FHOD3: variants seen among roughly 807,000 people sequenced by gnomAD.
FHOD3 encodes formin homology 2 domain containing 3, also known as FH1/FH2 domain-containing protein 3.
In FHOD3, 90 loss-of-function variants were observed where a neutral mutation model predicts 173.0. The observed-to-expected ratio is 0.52, with a 90% CI of 0.44 to 0.62. The LOEUF (loss-of-function observed/expected upper bound fraction) is 0.62, where lower values mean the gene tolerates loss of function less well. Among genes scored for constraint, FHOD3 ranks in the 20% least tolerant of loss-of-function variants. The pLI is 0.00. For synonymous variants in FHOD3, 828 were observed against 823.0 expected, an observed-to-expected ratio of 1.01 and a Z score of -0.10; for missense variants, 1,945 against 2,034.7, an observed-to-expected ratio of 0.96 and a Z score of 0.85.
At chr18:36,513,512 A>G (rs568542009) in intron 5 of FHOD3, among the ~76,000 whole-genome samples, 3 of 152,312 alleles carry the variant, frequency 2.0e-5, no homozygotes, top group Admixed American at 2.0e-4. Context: ...TAAAACTACC[A>G]AAACCTTCCT....
chr18:36,609,588 T>C (rs2032447840), intron 8 of FHOD3, among the ~76,000 whole-genome samples: 1 of 151,320 alleles, frequency 6.6e-6, no homozygotes, highest in Admixed American at 6.6e-5. Flanking sequence ...GGGCAAGAGT[T>C]TCCCGAGTCT....
chr18:36,732,621 G>A (rs370223830), intron 20 of FHOD3, among the ~76,000 whole-genome samples: 6 of 152,162 alleles, frequency 3.9e-5, no homozygotes, highest in African/African-American at 7.2e-5. Context: ...CCAGCCTATC[G>A]AAAGAGTGAG....
chr18:36,544,955 G>T (rs561183866), intron 5 of FHOD3, among the ~76,000 whole-genome samples: 2 of 152,266 alleles, frequency 1.3e-5, no homozygotes, highest in South Asian at 4.1e-4. Flanking sequence ...TAAATATTTT[G>T]CCACTAGTTT....
intron 25 of FHOD3, among the ~76,000 whole-genome samples, chr18:36,758,428 G>A (rs185387707): frequency 3.0e-4 from 45 of 152,220 alleles, no homozygotes; most frequent in African/African-American, 9.7e-4. Context: ...TAGTGCTAAA[G>A]TAATTAAAAG....
chr18:36,508,976 C>T (rs2055465915), intron 4 of FHOD3, among the ~76,000 whole-genome samples: 1 of 152,060 alleles, frequency 6.6e-6, no homozygotes, highest in Admixed American at 6.6e-5. Context: ...ATCAATGATG[C>T]GGTCAAGCCA....
At chr18:36,385,205 G>A (rs748237864) in intron 3 of FHOD3, among the ~76,000 whole-genome samples, 1 of 152,174 alleles carries the variant, frequency 6.6e-6, no homozygotes, top group Non-Finnish European at 1.5e-5. Context: ...TGTTTAAAAT[G>A]TGTTTTAGCT....
intron 3 of FHOD3, among the ~76,000 whole-genome samples, chr18:36,435,751 G>C (rs1310106248): frequency 6.6e-6 from 1 of 152,200 alleles, no homozygotes; most frequent in African/African-American, 2.4e-5. Flanking sequence ...AATTCTTCTA[G>C]TAAGTGTGTA....
chr18:36,607,399 A>G (rs1288597828), intron 8 of FHOD3, among the ~76,000 whole-genome samples: 1 of 152,174 alleles, frequency 6.6e-6, no homozygotes, highest in Non-Finnish European at 1.5e-5. Flanking sequence ...ATGCTGAGGT[A>G]CCGCTGGTGC....
chr18:36,298,293 G>A (rs1383464880), intron 1 of FHOD3, among the ~76,000 whole-genome samples: 2 of 151,956 alleles, frequency 1.3e-5, no homozygotes, highest in Non-Finnish European at 2.9e-5. Context: ...CCCCCGAGCC[G>A]CGCCGTTAGC....
chr18:36,654,301 T>C (rs1425904862), intron 13 of FHOD3, among the ~76,000 whole-genome samples: 3 of 152,204 alleles, frequency 2.0e-5, no homozygotes, highest in Non-Finnish European at 4.4e-5. Flanking sequence ...ACCTAATAAA[T>C]AGGAGGGCTA....
intron 1 of FHOD3, among the ~76,000 whole-genome samples, chr18:36,313,265 T>C (rs1041724968): frequency 1.3e-5 from 2 of 152,198 alleles, no homozygotes; most frequent in Non-Finnish European, 2.9e-5. Context: ...TATGGAAGAA[T>C]TGCCAAAGAA....
chr18:36,507,589 A>G (rs1212767679), intron 4 of FHOD3, among the ~76,000 whole-genome samples: 2 of 152,160 alleles, frequency 1.3e-5, no homozygotes, highest in Admixed American at 6.5e-5. Flanking sequence ...AGTATCTGGT[A>G]CTACTTAAAC....
intron 14 of FHOD3, among the ~76,000 whole-genome samples, chr18:36,675,473 C>T (rs2037794001): frequency 6.6e-6 from 1 of 152,190 alleles, no homozygotes. Context: ...CTCAAATGCA[C>T]AATCTCTCTC....
At chr18:36,452,707 G>A (rs1358368496) in intron 3 of FHOD3, among the ~76,000 whole-genome samples, 2 of 152,090 alleles carry the variant, frequency 1.3e-5, no homozygotes, top group Non-Finnish European at 2.9e-5. Context: ...TTGTCCTTCT[G>A]TGACTGGCTT....
rs768456654 is a variant in FHOD3 at position 36,760,741 on chromosome 18, C to T, written c.4583C>T (p.Thr1528Ile). Reference sequence around the variant, plus strand: ...TCGTCCCCCTCCGTGGAGGACGCCACCCCCGCGCTGGGCGTCCGCACACGC... The same window carrying T: ...TCGTCCCCCTCCGTGGAGGACGCCATCCCCGCGCTGGGCGTCCGCACACGC... ...KTSSPSVEDA[T>I]PALGVRTRSR... The change falls in exon 27 of 29, where the codon ACC becomes ATC. Residue 1528 changes from threonine (T) to isoleucine (I), a missense_variant. By Grantham distance (89) the Thr-to-Ile change is moderately conservative. Coordinates refer to ENST00000590592, the MANE Select transcript of FHOD3 (RefSeq NM_001281740.3). 7 of 1,612,456 alleles carry T rather than the reference C, an allele frequency of 4.3e-6. No homozygotes were observed. In the East Asian group the frequency reaches 8.9e-5, roughly 21 times the overall value.
At chr18:36,526,164 G>A (rs1236772721) in intron 5 of FHOD3, among the ~76,000 whole-genome samples, 1 of 152,246 alleles carries the variant, frequency 6.6e-6, no homozygotes, top group Non-Finnish European at 1.5e-5. Flanking sequence ...CTCGGCCAAG[G>A]CCCCTCGTCG....
chr18:36,467,893 C>T (rs2053039435), intron 3 of FHOD3, among the ~76,000 whole-genome samples: 1 of 152,214 alleles, frequency 6.6e-6, no homozygotes, highest in Admixed American at 6.5e-5. Context: ...CTGCCTGTGG[C>T]ACGGGTGCCT....
In FHOD3 at chr18:36,369,440, AACACACACACACACACAC is replaced by A. The variant is rs59109469; in HGVS notation, c.273-3198_273-3181del. 8.2e-3 allele frequency among the ~76,000 whole-genome samples: 769 copies of A among 94,214 alleles called. 8 individuals carry two copies. The highest frequency in any genetic ancestry group is 0.05 in the East Asian group (142 of 2,816). The allele number at this position is 94,214 out of a possible 152,430, so 61.8% of individuals were successfully genotyped here. A position where few individuals can be genotyped will look rare whatever the true frequency, so the allele number is the denominator to read the frequency against. On this transcript the variant is annotated intron_variant, in intron 2 of 28. Coordinates refer to ENST00000590592, the MANE Select transcript of FHOD3 (RefSeq NM_001281740.3). The stretch of plus-strand genomic sequence containing the variant: ...GATGTCCTTTGTTTTATTTTATTTA[AACACACACACACACACAC>A]ACACACACACACACACACACACACA...
intron 1 of FHOD3, among the ~76,000 whole-genome samples, chr18:36,337,397 G>C (rs1017873530): frequency 1.3e-5 from 2 of 152,198 alleles, no homozygotes; most frequent in Non-Finnish European, 2.9e-5. Context: ...TGGAAGAGGA[G>C]TGGACTTTTC....
Sources: gnomAD v4.1 joint callset for allele counts (sites outside exome capture counted in the v4.1 genomes callset) on GRCh38, gnomAD v4.1.1 for gene constraint, MANE v1.5 for transcripts, NCBI Gene and HGNC (gene_info 2026-07-23, HGNC 2026-07-21) for gene names.